ANKRD28: variants seen among roughly 807,000 people sequenced by gnomAD.
ANKRD28 encodes serine/threonine-protein phosphatase 6 regulatory ankyrin repeat subunit A.
In ANKRD28, 44 loss-of-function variants were observed where a neutral mutation model predicts 126.5. That is an observed-to-expected ratio of 0.35 (90% CI 0.27 to 0.45). The LOEUF (loss-of-function observed/expected upper bound fraction) is 0.45. Ranked by LOEUF, ANKRD28 falls within the 20% of genes least tolerant of loss-of-function variation. The pLI, the probability that ANKRD28 is intolerant of heterozygous loss-of-function variation, is 1.00. For missense variants in ANKRD28, 1,110 were observed against 1,316.6 expected, an observed-to-expected ratio of 0.84 and a Z score of 2.43; for synonymous variants, 442 against 468.5, an observed-to-expected ratio of 0.94 and a Z score of 0.73.
intron 1 of ANKRD28, among the ~76,000 whole-genome samples, chr3:15,818,579 A>C (rs2125904906): frequency 6.6e-6 from 1 of 152,356 alleles, no homozygotes; most frequent in Admixed American, 6.5e-5. Context: ...GATAAAGTTT[A>C]ACTGATAAAT....
At chr3:15,750,149 T>C (rs965996061) in intron 4 of ANKRD28, among the ~76,000 whole-genome samples, 2 of 152,250 alleles carry the variant, frequency 1.3e-5, no homozygotes, top group Non-Finnish European at 2.9e-5. Flanking sequence ...TTTTACAACT[T>C]CTGCAAATAT....
At chr3:15,790,766 A>G (rs1006325770) in intron 2 of ANKRD28, among the ~76,000 whole-genome samples, 3 of 152,152 alleles carry the variant, frequency 2.0e-5, no homozygotes, top group South Asian at 2.1e-4. Context: ...GTTATTTAAC[A>G]TAGTACTGGA....
intron 4 of ANKRD28, among the ~76,000 whole-genome samples, chr3:15,743,798 A>G (rs1390225040): frequency 6.6e-6 from 1 of 152,218 alleles, no homozygotes; most frequent in Non-Finnish European, 1.5e-5. Context: ...GAGTCTAGGA[A>G]TATTTAACCT....
At chr3:15,717,551 A>C (rs2073214439) in intron 8 of ANKRD28, among the ~76,000 whole-genome samples, 1 of 152,108 alleles carries the variant, frequency 6.6e-6, no homozygotes, top group Non-Finnish European at 1.5e-5. Flanking sequence ...AATAACAAAA[A>C]CCAAAATTTA....
chr3:15,763,545 A>G (rs1055538292), intron 3 of ANKRD28, among the ~76,000 whole-genome samples: 2 of 152,236 alleles, frequency 1.3e-5, no homozygotes, highest in Non-Finnish European at 2.9e-5. Flanking sequence ...ACTAGGAGAA[A>G]AGATAACACA....
intron 4 of ANKRD28, among the ~76,000 whole-genome samples, chr3:15,741,172 T>C (rs2075437345): frequency 6.6e-6 from 1 of 151,712 alleles, no homozygotes; most frequent in Non-Finnish European, 1.5e-5. Context: ...GCACTCCAGC[T>C]TGGGCGACAG....
intron 2 of ANKRD28, chr3:15,781,797 G>A (rs1219432073): frequency 6.6e-6 from 1 of 152,090 alleles, no homozygotes; most frequent in Non-Finnish European, 1.5e-5. Flanking sequence ...TTAATTCCCT[G>A]TGAGTTTAGG....
chr3:15,709,132 G>A (rs1277490309), intron 13 of ANKRD28, among the ~76,000 whole-genome samples: 18 of 152,190 alleles, frequency 1.2e-4, no homozygotes, highest in African/African-American at 4.3e-4. Context: ...TTTCACAGCT[G>A]CCTTCCTGTT....
chr3:15,703,889 AT>A (rs2070978490), intron 14 of ANKRD28, among the ~76,000 whole-genome samples: 1 of 152,228 alleles, frequency 6.6e-6, no homozygotes, highest in Non-Finnish European at 1.5e-5. Context: ...TTCAACTTTG[AT>A]TAAGGCTGTG....
chr3:15,678,595 C>T (rs1349659683), intron 23 of ANKRD28, among the ~76,000 whole-genome samples: 1 of 152,060 alleles, frequency 6.6e-6, no homozygotes, highest in Non-Finnish European at 1.5e-5. Flanking sequence ...AGATTAATTA[C>T]AAAATTGCTA....
intron 7 of ANKRD28, among the ~76,000 whole-genome samples, chr3:15,723,961 CTT>C (rs776342153): frequency 7.9e-5 from 12 of 152,136 alleles, no homozygotes; most frequent in South Asian, 2.1e-4. Context: ...CAAAAAACCT[CTT>C]GTTTTCCTGC....
chr3:15,709,863 T>A (rs1224023695), intron 12 of ANKRD28, 127 bp from the exon 13 acceptor site: 1 of 577,186 alleles, frequency 1.7e-6, no homozygotes, highest in Admixed American at 3.6e-5. Context: ...ATGATTTACA[T>A]TCTATGAAGA....
At chr3:15,776,488 T>G (rs919451941) in intron 2 of ANKRD28, among the ~76,000 whole-genome samples, 2 of 152,190 alleles carry the variant, frequency 1.3e-5, no homozygotes, top group African/African-American at 4.8e-5. Flanking sequence ...GAAAATATAC[T>G]GTATGATCCA....
chr3:15,798,030 A>T, upstream of ANKRD28: 1 of 985,404 alleles, frequency 1.0e-6, no homozygotes, highest in Non-Finnish European at 1.2e-6. Flanking sequence ...AAAATAGTGC[A>T]TTTGGACAGC....
In ANKRD28 at chr3:15,711,208, T is replaced by G; in HGVS notation, c.1337+3A>C. On this transcript the variant is annotated splice_donor_region_variant and intron_variant, in intron 12 of 27. Transcript: ENST00000683139. ...TAAAGAAATAAAAATACTATTAACA[T>G]ACCCTCCAGCTGCAGCTGCATGTAG... The G allele has an allele frequency of 6.2e-7, 1 of 1,609,630 alleles. No individual in the cohort carries two copies. The highest frequency in any genetic ancestry group is 8.5e-7 in the Non-Finnish European group (1 of 1,176,868).
intron 1 of ANKRD28, among the ~76,000 whole-genome samples, chr3:15,849,431 T>G (rs564413929): frequency 2.9e-4 from 44 of 152,352 alleles, no homozygotes; most frequent in African/African-American, 1.0e-3. Flanking sequence ...TTCCAAGATA[T>G]AAGTCAGATT....
chr3:15,701,734 A>C (rs531424744), intron 14 of ANKRD28, among the ~76,000 whole-genome samples: 7 of 152,352 alleles, frequency 4.6e-5, no homozygotes, highest in African/African-American at 9.6e-5. Context: ...GTCTGGCTCT[A>C]AGGTAATAAG....
chr3:15,765,314 A>G lies in ANKRD28; in HGVS notation c.280+920T>C, dbSNP rs148377227. Reference sequence around the variant, plus strand: ...ACTTAAATAGTTTAGAAAAAATAATAAAGGAGTATAATTGACTAAAAGCAT... The same window carrying G: ...ACTTAAATAGTTTAGAAAAAATAATGAAGGAGTATAATTGACTAAAAGCAT... On this transcript the variant is annotated intron_variant, in intron 3 of 27. Coordinates refer to ENST00000683139, the MANE Select transcript of ANKRD28 (RefSeq NM_001349278.2). 4.1e-4 allele frequency among the ~76,000 whole-genome samples: 62 copies of G among 152,308 alleles called. 1 individual carries two copies. In the East Asian group the frequency reaches 8.5e-3, roughly 21 times the overall value.
intron 1 of ANKRD28, among the ~76,000 whole-genome samples, chr3:15,835,584 T>A (rs1040173440): frequency 6.6e-6 from 1 of 152,202 alleles, no homozygotes; most frequent in African/African-American, 2.4e-5. Flanking sequence ...AAGTTTCCAA[T>A]GGTTGCCCCC....
Sources: allele counts gnomAD v4.1 joint callset (sites outside exome capture counted in the v4.1 genomes callset), GRCh38; gene constraint gnomAD v4.1.1; transcripts MANE v1.5; gene names NCBI Gene and HGNC (gene_info 2026-07-23, HGNC 2026-07-21).